Variants in PLEKHA7 observed in about 807,000 individuals in gnomAD.
PLEKHA7 encodes the protein pleckstrin homology domain containing A7.
PLEKHA7 carries 104 observed loss-of-function variants against 170.0 expected under a neutral mutation model. The observed-to-expected ratio is 0.61, with a 90% confidence interval of 0.52 to 0.72. PLEKHA7 has a LOEUF of 0.72. PLEKHA7 is among the 30% of genes least tolerant of loss of function. PLEKHA7 has a pLI of 0.00. For missense variants in PLEKHA7, 1,615 were observed against 1,671.7 expected, an observed-to-expected ratio of 0.97 and a Z score of 0.59; for synonymous variants, 648 against 660.8, an observed-to-expected ratio of 0.98 and a Z score of 0.30.
chr11:16,782,533 C>T lies in PLEKHA7; in HGVS notation c.3793+221G>A, dbSNP rs1395378304. Among the ~76,000 whole-genome samples the T allele has an allele frequency of 2.0e-5, 3 of 152,340 alleles. No individual in the cohort carries two copies. In the East Asian group the frequency reaches 5.8e-4, roughly 29 times the overall value. On this transcript the variant is annotated intron_variant, in intron 26 of 26. Transcript: ENST00000531066. The stretch of plus-strand genomic sequence containing the variant: ...CAGACACTTCTGAGCTTCTGGGCCC[C>T]CTTGGTCTCCTCCACTGTGTGGCCT...
At chr11:16,930,250 G>C (rs959893344) in intron 3 of PLEKHA7, among the ~76,000 whole-genome samples, 1 of 151,970 alleles carries the variant, frequency 6.6e-6, no homozygotes, top group African/African-American at 2.4e-5. Flanking sequence ...AAGGCAGATA[G>C]GATTAAAACT....
chr11:16,851,271 G>T lies in PLEKHA7; in HGVS notation c.616C>A (p.Leu206Ile), dbSNP rs1355759583. The change falls in exon 8 of 27, where the codon CTC (leucine) becomes ATC (isoleucine). Residue 206 changes from leucine to isoleucine, a missense_variant. Leu to Ile is a conservative substitution (Grantham distance 5, BLOSUM62 2). Coordinates refer to ENST00000531066, the MANE Select transcript of PLEKHA7 (RefSeq NM_001329630.2). Reference protein sequence around the residue: ...YYKDSREEAVLGSIPLPSYVI... With the variant: ...YYKDSREEAVIGSIPLPSYVI... Reference sequence around the variant, plus strand: ...TAGCTGGGCAAGGGGATGCTCCCGAGGACCGCTTCTTCTCGGCTGTCTTTG... The same window carrying T: ...TAGCTGGGCAAGGGGATGCTCCCGATGACCGCTTCTTCTCGGCTGTCTTTG... 1.9e-6 allele frequency: 3 copies of T among 1,611,162 alleles called. No homozygotes were observed. Among genetic ancestry groups the T allele is most frequent in the Non-Finnish European group, 2.5e-6 (3 of 1,178,560 alleles).
chr11:16,905,482 T>C (rs1480031161), intron 3 of PLEKHA7, among the ~76,000 whole-genome samples: 5 of 152,124 alleles, frequency 3.3e-5, no homozygotes, highest in African/African-American at 9.7e-5. Context: ...TATCAGGCAA[T>C]TTCTCTTTAA....
At chr11:16,948,419 A>T (rs182498581) in intron 3 of PLEKHA7, among the ~76,000 whole-genome samples, 13 of 152,204 alleles carry the variant, frequency 8.5e-5, no homozygotes, top group Non-Finnish European at 1.5e-4. Context: ...AATAAATACA[A>T]TTTTTGTCAG....
chr11:16,892,635 T>TG (rs1333416958), intron 3 of PLEKHA7, among the ~76,000 whole-genome samples: 1 of 145,794 alleles, frequency 6.9e-6, no homozygotes, highest in South Asian at 2.3e-4. Context: ...TTTTTTTTTT[T>TG]TTTTTTCGTA....
intron 15 of PLEKHA7, 24 bp from the exon 16 acceptor site, chr11:16,801,841 C>A (rs772127753): frequency 1.4e-5 from 23 of 1,613,490 alleles, no homozygotes; most frequent in Non-Finnish European, 1.9e-5. Context: ...GGCCAAAAAA[C>A]AGCAGGATAG....
At position 17,013,949 on chromosome 11, in the gene PLEKHA7, C is replaced by G. The variant is rs911199188; in HGVS notation, c.221+40G>C. ...GCGGGAACGGGGAGGGACCCCCCCC[C>G]CGCGGCACAGGTGCGAGCGCGGCGG... is the stretch of plus-strand genomic sequence containing the variant. On this transcript the variant is annotated intron_variant, in intron 3 of 26. Transcript: ENST00000531066. The G allele has an allele frequency of 2.0e-6, 3 of 1,511,044 alleles. No homozygotes were observed. In the African/African-American group the frequency reaches 4.4e-5, roughly 22 times the overall value. The allele number at this position is 1,511,044 out of a possible 1,614,324, so 93.6% of individuals were successfully genotyped here. A position where few individuals can be genotyped will look rare whatever the true frequency, so the allele number is the denominator to read the frequency against.
chr11:16,929,881 G>A (rs1444392830), intron 3 of PLEKHA7, among the ~76,000 whole-genome samples: 2 of 152,160 alleles, frequency 1.3e-5, no homozygotes, highest in Middle Eastern at 3.2e-3. Context: ...GCGTGTGCCT[G>A]TAATCCCAGC....
intron 16 of PLEKHA7, among the ~76,000 whole-genome samples, 157 bp from the exon 17 acceptor site, chr11:16,801,232 G>A (rs1033970925): frequency 4.6e-5 from 7 of 152,214 alleles, no homozygotes; most frequent in Admixed American, 1.3e-4. Context: ...AGGAAAGAGC[G>A]TGGCATCCTC....
At chr11:16,931,614 C>A (rs193260069) in intron 3 of PLEKHA7, among the ~76,000 whole-genome samples, 2 of 151,120 alleles carry the variant, frequency 1.3e-5, no homozygotes, top group East Asian at 1.9e-4. Context: ...ACAAAAAAAA[C>A]TTAGCTGGGC....
At chr11:16,907,220 T>TC (rs1176346126) in intron 3 of PLEKHA7, among the ~76,000 whole-genome samples, 2 of 69,490 alleles carry the variant, frequency 2.9e-5, no homozygotes, top group Admixed American at 3.3e-4. Flanking sequence ...GGGGGGGTCA[T>TC]CCCCCCACCT....
At chr11:16,822,501 GGAAAAAAAAAAAAAAAAA>G in intron 10 of PLEKHA7, among the ~76,000 whole-genome samples, 1 of 126,348 alleles carries the variant, frequency 7.9e-6, no homozygotes, top group African/African-American at 3.4e-5. Flanking sequence ...TTTTGGTAGG[GGAAAAAAAAAAAAAAAAA>G]AAAAAAAGGA....
chr11:16,866,147 C>A (rs547017682), intron 4 of PLEKHA7, among the ~76,000 whole-genome samples: 2 of 151,300 alleles, frequency 1.3e-5, no homozygotes, highest in South Asian at 4.3e-4. Context: ...ACTTCTGATT[C>A]TCTTCTCAGG....
At chr11:16,855,523 A>C (rs1480513590) in intron 5 of PLEKHA7, 1 of 405,038 alleles carries the variant, frequency 2.5e-6, no homozygotes, top group East Asian at 4.7e-5. Flanking sequence ...ACACAGCTAC[A>C]TGTAAATAGA....
At chr11:16,999,002 A>G (rs1482531704) in intron 3 of PLEKHA7, among the ~76,000 whole-genome samples, 2 of 151,904 alleles carry the variant, frequency 1.3e-5, no homozygotes, top group Admixed American at 6.6e-5. Context: ...TATATCTGCA[A>G]TTTCAGGAGG....
At chr11:16,856,625 C>T (rs907956696) in intron 4 of PLEKHA7, among the ~76,000 whole-genome samples, 1 of 152,206 alleles carries the variant, frequency 6.6e-6, no homozygotes, top group Non-Finnish European at 1.5e-5. Context: ...AGGAGCTGCC[C>T]TGGGAGGGCC....
intron 3 of PLEKHA7, among the ~76,000 whole-genome samples, chr11:16,888,263 TG>T (rs1384526943): frequency 7.4e-6 from 1 of 134,696 alleles, no homozygotes. Flanking sequence ...AGGAGGGAGG[TG>T]GGGGGCAGTC....
intron 12 of PLEKHA7, among the ~76,000 whole-genome samples, chr11:16,813,921 G>A (rs1352846812): frequency 6.6e-6 from 1 of 152,230 alleles, no homozygotes; most frequent in Non-Finnish European, 1.5e-5. Flanking sequence ...GCAGATCACA[G>A]AAGCTAACTG....
At position 17,003,140 on chromosome 11, in the gene PLEKHA7, G is replaced by A. The variant is rs749214206; in HGVS notation, c.221+10849C>T. Among the ~76,000 whole-genome samples, 17 of 152,034 alleles carry A rather than the reference G, an allele frequency of 1.1e-4. No individual in the cohort carries two copies. The East Asian group carries it at 1.5e-3, about 14-fold the overall frequency. ...TGAGTAACTGGGATTACAGGCATGC[G>A]CCACAGTGCCCGGCTAATTTTGATA... On this transcript the variant is annotated intron_variant, in intron 3 of 26. Coordinates refer to ENST00000531066, the MANE Select transcript of PLEKHA7 (RefSeq NM_001329630.2).
Sources: gnomAD v4.1 joint callset for allele counts (sites outside exome capture counted in the v4.1 genomes callset) on GRCh38, gnomAD v4.1.1 for gene constraint, MANE v1.5 for transcripts, NCBI Gene and HGNC (gene_info 2026-07-23, HGNC 2026-07-21) for gene names.